The following GLI3 variants were observed in gnomAD, a reference collection of about 807,000 sequenced individuals.
The protein encoded by GLI3 is GLI family zinc finger 3, also known as transcription activator GLI3.
GLI3 carries 20 observed loss-of-function variants against 100.8 expected under a neutral mutation model. The observed-to-expected ratio is 0.20, with a 90% CI of 0.14 to 0.29. The LOEUF is 0.29. GLI3 is among the 10% of genes least tolerant of loss of function. GLI3 has a pLI of 1.00. For synonymous variants in GLI3, 938 were observed against 860.5 expected (o/e 1.09, Z -1.58); for missense variants, 2,040 against 2,128.5 (o/e 0.96, Z 0.82).
At chr7:42,199,662 CATGGTG>C (rs1787998058) in intron 2 of GLI3, among the ~76,000 whole-genome samples, 1 of 152,194 alleles carries the variant, frequency 6.6e-6, no homozygotes, top group Non-Finnish European at 1.5e-5. Context: ...AGCTGGACAA[CATGGTG>C]AGCTCTTTGA....
rs140532035 is a variant in GLI3 at position 42,203,913 on chromosome 7, C to A, written c.124+19217G>T. On this transcript the variant is annotated intron_variant, in intron 2 of 14. Transcript: ENST00000395925. ...ACTTGGGATGCTGAGGCAGGAGAAT[C>A]GCTTGAACCCAAGAAGTGGAGGTTG... Among the ~76,000 whole-genome samples, 349 of 152,154 alleles carry A rather than the reference C, an allele frequency of 2.3e-3. 2 individuals are homozygous for A. The highest frequency in any genetic ancestry group is 8.1e-3 in the African/African-American group (336 of 41,522).
At chr7:42,159,532 T>A (rs1227964691) in intron 2 of GLI3, among the ~76,000 whole-genome samples, 1 of 152,222 alleles carries the variant, frequency 6.6e-6, no homozygotes, top group East Asian at 1.9e-4. Flanking sequence ...TTTCTCTTTT[T>A]TTAATCAAGA....
chr7:42,162,749 T>C (rs1221069410), intron 2 of GLI3, among the ~76,000 whole-genome samples: 1 of 152,112 alleles, frequency 6.6e-6, no homozygotes, highest in East Asian at 1.9e-4. Context: ...TCCTATAAAA[T>C]GAATGCACCT....
In GLI3 at chr7:42,026,275, G is replaced by A. The variant is rs1446808094; in HGVS notation, c.1166C>T (p.Thr389Ile). 6.2e-7 allele frequency: 1 copy of A among 1,613,986 alleles called. No homozygotes were observed. Among genetic ancestry groups the A allele is most frequent in the Non-Finnish European group, 8.5e-7 (1 of 1,179,984 alleles). The change falls in exon 8 of 15, where the codon ACA becomes ATA. Residue 389 changes from threonine (T) to isoleucine (I), a missense_variant. Coordinates refer to ENST00000395925, the MANE Select transcript of GLI3 (RefSeq NM_000168.6). ...AGGGATCCCTGGAATAGGCCTCTGT[G>A]TTGGAAAAGTTGGGGCAGGGTGGAT... Reference protein sequence around the residue: ...PLIHPAPTFPTQRPIPGIPTV... With the variant: ...PLIHPAPTFPIQRPIPGIPTV...
chr7:42,095,397 G>A (rs1018176871), intron 3 of GLI3, among the ~76,000 whole-genome samples: 1 of 152,216 alleles, frequency 6.6e-6, no homozygotes, highest in Non-Finnish European at 1.5e-5. Flanking sequence ...AGACTGGAAT[G>A]ATCAAACACA....
At chr7:42,057,616 A>G (rs546683805) in intron 4 of GLI3, among the ~76,000 whole-genome samples, 1 of 152,242 alleles carries the variant, frequency 6.6e-6, no homozygotes, top group African/African-American at 2.4e-5. Flanking sequence ...ACAATGAAAC[A>G]GTAAACAGCT....
At chr7:42,081,330 C>T (rs917800701) in intron 3 of GLI3, among the ~76,000 whole-genome samples, 3 of 152,094 alleles carry the variant, frequency 2.0e-5, no homozygotes, top group African/African-American at 4.8e-5. Flanking sequence ...TACAGACCTG[C>T]GAGAGGTTTG....
chr7:42,147,808 A>C (rs1289528194), intron 3 of GLI3, among the ~76,000 whole-genome samples: 2 of 152,210 alleles, frequency 1.3e-5, no homozygotes, highest in Non-Finnish European at 1.5e-5. Context: ...TTACATTAAA[A>C]AATCATTAAA....
At chr7:42,098,531 A>C (rs537236580) in intron 3 of GLI3, among the ~76,000 whole-genome samples, 126 of 152,302 alleles carry the variant, frequency 8.3e-4, no homozygotes, top group African/African-American at 2.9e-3. Context: ...ATGACTCCAT[A>C]TCTCTGAACA....
intron 3 of GLI3, among the ~76,000 whole-genome samples, chr7:42,126,745 A>G (rs1251364207): frequency 1.3e-5 from 2 of 152,220 alleles, no homozygotes; most frequent in African/African-American, 4.8e-5. Flanking sequence ...TAAAATTTTC[A>G]GAAAAGTATA....
At chr7:42,170,627 C>T (rs538040006) in intron 2 of GLI3, among the ~76,000 whole-genome samples, 43 of 152,066 alleles carry the variant, frequency 2.8e-4, no homozygotes, top group African/African-American at 8.9e-4. Context: ...TGGTCTCGAC[C>T]TCCTGACCTC....
At chr7:42,065,103 T>A (rs1784648482) in intron 4 of GLI3, among the ~76,000 whole-genome samples, 1 of 151,962 alleles carries the variant, frequency 6.6e-6, no homozygotes, top group Admixed American at 6.6e-5. Context: ...ATCATTTTCA[T>A]CACAGACTGT....
At chr7:42,169,480 G>A (rs1321136367) in intron 2 of GLI3, among the ~76,000 whole-genome samples, 1 of 152,100 alleles carries the variant, frequency 6.6e-6, no homozygotes, top group Non-Finnish European at 1.5e-5. Context: ...GTTTAATAAG[G>A]AGCATGCACT....
At chr7:42,141,450 T>C (rs1277186034) in intron 3 of GLI3, among the ~76,000 whole-genome samples, 1 of 152,110 alleles carries the variant, frequency 6.6e-6, no homozygotes, top group African/African-American at 2.4e-5. Context: ...GGCGGACGGA[T>C]CACCTGAGGT....
intron 7 of GLI3, among the ~76,000 whole-genome samples, chr7:42,039,435 G>A (rs1784085269): frequency 6.6e-6 from 1 of 152,224 alleles, no homozygotes; most frequent in Non-Finnish European, 1.5e-5. Context: ...TAACAAAGGT[G>A]TATGGTCAAA....
intron 2 of GLI3, among the ~76,000 whole-genome samples, chr7:42,182,578 A>G (rs1787614229): frequency 1.4e-5 from 2 of 147,568 alleles, no homozygotes; most frequent in South Asian, 4.3e-4. Flanking sequence ...TCCAATATTC[A>G]ATGGAAGACA....
At chr7:42,062,863 T>C (rs1170327804) in intron 4 of GLI3, among the ~76,000 whole-genome samples, 1 of 152,100 alleles carries the variant, frequency 6.6e-6, no homozygotes, top group Non-Finnish European at 1.5e-5. Context: ...CAGAAAGATA[T>C]AATAAAAAGT....
intron 10 of GLI3, among the ~76,000 whole-genome samples, chr7:41,988,923 G>C (rs1168407166): frequency 6.6e-6 from 1 of 152,162 alleles, no homozygotes; most frequent in African/African-American, 2.4e-5. Flanking sequence ...GCTTCTCAGA[G>C]TTTCTTTCCT....
intron 1 of GLI3, among the ~76,000 whole-genome samples, chr7:42,259,098 C>T (rs576741761): frequency 1.3e-5 from 2 of 152,184 alleles, no homozygotes; most frequent in African/African-American, 4.8e-5. Context: ...AGTCAAATTA[C>T]CCTAAACTTG....
Sources: gnomAD v4.1 joint callset for allele counts (sites outside exome capture counted in the v4.1 genomes callset) on GRCh38, gnomAD v4.1.1 for gene constraint, MANE v1.5 for transcripts, NCBI Gene and HGNC (gene_info 2026-07-23, HGNC 2026-07-21) for gene names.